SYN3: variants seen among roughly 807,000 people sequenced by gnomAD.
The protein encoded by SYN3 is synapsin III.
In SYN3, 35 loss-of-function variants were observed where a neutral mutation model predicts 65.8. That is an observed-to-expected ratio of 0.53 (90% confidence interval 0.41 to 0.70). The LOEUF (loss-of-function observed/expected upper bound fraction) is 0.70. SYN3 is among the 30% of genes least tolerant of loss of function. SYN3 has a pLI of 0.00. For missense variants in SYN3, 680 were observed against 749.0 expected (o/e 0.91, Z 1.08); for synonymous variants, 270 against 292.9 (o/e 0.92, Z 0.80).
intron 6 of SYN3, among the ~76,000 whole-genome samples, chr22:32,781,999 T>A (rs1350795442): frequency 2.0e-5 from 3 of 152,184 alleles, no homozygotes; most frequent in Non-Finnish European, 4.4e-5. Flanking sequence ...AGGTTGTTTT[T>A]TCCCCTTCAG....
intron 6 of SYN3, among the ~76,000 whole-genome samples, chr22:32,717,813 A>C (rs1467143172): frequency 6.6e-6 from 1 of 152,190 alleles, no homozygotes; most frequent in African/African-American, 2.4e-5. Context: ...AACGCCTTCC[A>C]CTGCGGATCT....
chr22:32,831,687 T>G (rs891634734), intron 6 of SYN3, among the ~76,000 whole-genome samples: 5 of 152,216 alleles, frequency 3.3e-5, no homozygotes, highest in African/African-American at 1.2e-4. Context: ...AAGACCTTAC[T>G]TGGCATTAAC....
At position 32,801,927 on chromosome 22, in the gene SYN3, G is replaced by A. The variant is rs1459113400; in HGVS notation, c.711+62988C>T. Reference sequence around the variant, plus strand: ...GGCGGGCGAGCGAGCTCGGGCTGCAGCAGCCCCGCCGGCGGCGCGCACGGC... The same window carrying A: ...GGCGGGCGAGCGAGCTCGGGCTGCAACAGCCCCGCCGGCGGCGCGCACGGC... On this transcript the variant is annotated intron_variant, in intron 6 of 13. Transcript: ENST00000358763. The surrounding 1 kb of genome is among the most constrained non-coding windows in gnomAD (Gnocchi z 4.7). 8 of 1,503,316 alleles carry A rather than the reference G, an allele frequency of 5.3e-6. No homozygotes were observed. The highest frequency in any genetic ancestry group is 1.4e-5 in the African/African-American group (1 of 69,428). The allele number at this position is 1,503,316 out of a possible 1,614,324, so 93.1% of individuals were successfully genotyped here. A position where few individuals can be genotyped will look rare whatever the true frequency, so the allele number is the denominator to read the frequency against.
At chr22:32,997,202 A>C (rs960201456) in intron 2 of SYN3, among the ~76,000 whole-genome samples, 3 of 152,132 alleles carry the variant, frequency 2.0e-5, no homozygotes, top group Admixed American at 6.5e-5. Flanking sequence ...ATACAATGAG[A>C]ATAGTACTGG....
At chr22:32,559,846 AAG>A (rs1491015317) in intron 7 of SYN3, among the ~76,000 whole-genome samples, 10 of 151,696 alleles carry the variant, frequency 6.6e-5, no homozygotes, top group Middle Eastern at 3.2e-3. Context: ...AAAAAAAAAA[AAG>A]AAAAAAAGAA....
At chr22:32,845,955 T>TA (rs2048050132) in intron 6 of SYN3, among the ~76,000 whole-genome samples, 1 of 152,148 alleles carries the variant, frequency 6.6e-6, no homozygotes, top group African/African-American at 2.4e-5. Context: ...CTGGAGCAAA[T>TA]ACGGACAGAT....
At chr22:32,913,053 T>C (rs2050093796) in intron 4 of SYN3, among the ~76,000 whole-genome samples, 2 of 152,024 alleles carry the variant, frequency 1.3e-5, no homozygotes, top group Non-Finnish European at 2.9e-5. Flanking sequence ...TGGTACAGGA[T>C]AGTGAGGGAG....
At chr22:32,990,227 G>C (rs2052655032) in intron 2 of SYN3, among the ~76,000 whole-genome samples, 1 of 152,034 alleles carries the variant, frequency 6.6e-6, no homozygotes, top group South Asian at 2.1e-4. Context: ...CACCAAAAGA[G>C]AGGCTAAGAC....
chr22:32,644,766 G>A (rs1047810018), intron 6 of SYN3, among the ~76,000 whole-genome samples: 17 of 152,162 alleles, frequency 1.1e-4, no homozygotes, highest in Non-Finnish European at 4.4e-5. Flanking sequence ...CCTCTATCCC[G>A]TGGCCTCCTC....
At chr22:32,871,657 G>A (rs974366144) in intron 4 of SYN3, among the ~76,000 whole-genome samples, 6 of 151,892 alleles carry the variant, frequency 4.0e-5, no homozygotes, top group Non-Finnish European at 5.9e-5. Context: ...TGCTCAGGCT[G>A]GAGTGCAGTG....
At chr22:32,700,944 G>A (rs913206264) in intron 6 of SYN3, among the ~76,000 whole-genome samples, 3 of 152,124 alleles carry the variant, frequency 2.0e-5, no homozygotes, top group African/African-American at 7.2e-5. Context: ...CCAGAAATGG[G>A]AATCATCCTC....
At chr22:32,717,903 C>T (rs935403424) in intron 6 of SYN3, among the ~76,000 whole-genome samples, 1 of 152,192 alleles carries the variant, frequency 6.6e-6, no homozygotes, top group African/African-American at 2.4e-5. Context: ...TCATCTTAAA[C>T]CTTTCTGTTT....
At chr22:32,807,355 A>AATATATAATATATATT (rs2046776864) in intron 6 of SYN3, among the ~76,000 whole-genome samples, 12 of 19,910 alleles carry the variant, frequency 6.0e-4, no homozygotes, top group African/African-American at 1.8e-3. Context: ...ATAAATATAT[A>AATATATAATATATATT]ATATATAATA....
chr22:32,859,099 G>A (rs780963197), intron 6 of SYN3: 8 of 1,443,936 alleles, frequency 5.5e-6, no homozygotes, highest in South Asian at 1.1e-5. Flanking sequence ...TGGCCCCAGG[G>A]TCTGAATCCA....
At chr22:32,790,965 C>T (rs961775881) in intron 6 of SYN3, among the ~76,000 whole-genome samples, 12 of 152,142 alleles carry the variant, frequency 7.9e-5, no homozygotes, top group Admixed American at 7.2e-4. Flanking sequence ...TTAGTGTTCA[C>T]AAAATCTTTT....
chr22:32,731,848 G>T (rs914012572), intron 6 of SYN3, among the ~76,000 whole-genome samples: 3 of 152,140 alleles, frequency 2.0e-5, no homozygotes, highest in Non-Finnish European at 4.4e-5. Flanking sequence ...AGAACTCAAG[G>T]CTCTGAAAGC....
chr22:33,037,637 G>A (rs2145921949), intron 1 of SYN3, among the ~76,000 whole-genome samples: 1 of 152,260 alleles, frequency 6.6e-6, no homozygotes, highest in East Asian at 1.9e-4. Context: ...TGAAGCATCC[G>A]AGACTCAGAA....
chr22:33,018,918 C>CT (rs1201647473), intron 1 of SYN3, among the ~76,000 whole-genome samples: 2 of 152,194 alleles, frequency 1.3e-5, no homozygotes, highest in Non-Finnish European at 2.9e-5. Context: ...CCTGTCAACT[C>CT]TGTCTCCACT....
In SYN3 at chr22:32,869,006, G is replaced by C; in HGVS notation, c.581C>G (p.Ser194Cys). The C allele has an allele frequency of 3.1e-6, 5 of 1,614,126 alleles. No homozygotes were observed. Among genetic ancestry groups the C allele is most frequent in the Non-Finnish European group, 4.2e-6 (5 of 1,180,026 alleles). Residue 194 changes from serine to cysteine, a missense_variant, in exon 5 of 14, where the codon TCT (serine) becomes TGT (cysteine). Ser to Cys is a moderately radical substitution (Grantham distance 112). Transcript: ENST00000358763. Reference sequence around the variant, plus strand: ...GCAGAAGTTGTAGACGGAGTAGAGAGAGTTGACAGCAGGCAGCCCTCCATA... The same window carrying C: ...GCAGAAGTTGTAGACGGAGTAGAGACAGTTGACAGCAGGCAGCCCTCCATA... ...LQYGGLPAVN[S>C]LYSVYNFCSK...
Sources: allele counts gnomAD v4.1 joint callset (sites outside exome capture counted in the v4.1 genomes callset), GRCh38; gene constraint gnomAD v4.1.1; non-coding constraint Gnocchi (gnomAD v3.1); transcripts MANE v1.5; gene names NCBI Gene and HGNC (gene_info 2026-07-23, HGNC 2026-07-21).